MLLT6: variants seen among roughly 807,000 people sequenced by gnomAD.
MLLT6 encodes the protein MLLT6, PHD finger containing, also known as protein AF-17.
In MLLT6, 22 loss-of-function variants were observed where a neutral mutation model predicts 103.0. The observed-to-expected ratio is 0.21, with a 90% confidence interval of 0.15 to 0.31. MLLT6 has a LOEUF of 0.31. Ranked by LOEUF, MLLT6 falls within the 10% of genes least tolerant of loss-of-function variation. The probability of loss-of-function intolerance (pLI) is 1.00; values close to 1 mark genes in which losing one functional copy is unlikely to be tolerated. For synonymous variants in MLLT6, 606 were observed against 623.5 expected (o/e 0.97, Z 0.42); for missense variants, 1,199 against 1,441.7 (o/e 0.83, Z 2.73).
rs998128258 is a variant in MLLT6, at chr17:38,709,086, A to G, written c.355-87A>G. 2 of 947,626 alleles carry G rather than the reference A, an allele frequency of 2.1e-6. No individual in the cohort carries two copies. The highest frequency in any genetic ancestry group is 3.3e-5 in the African/African-American group (2 of 61,140). 58.7% of individuals were successfully genotyped at this position (947,626 alleles called of 1,614,324 possible). A position where few individuals can be genotyped will look rare whatever the true frequency, so the allele number is the denominator to read the frequency against. On this transcript the variant is annotated intron_variant, in intron 4 of 19. Coordinates refer to ENST00000621332, the MANE Select transcript of MLLT6 (RefSeq NM_005937.4). The surrounding 1 kb of genome is among the most constrained non-coding windows in gnomAD (Gnocchi z 4.3). ...ATAGCACTGATCTAAGACTGTAGAG[A>G]GCAAATGGAATGGAGGGGGTGGCCT... is the stretch of plus-strand genomic sequence containing the variant.
At chr17:38,717,088 A>G (rs1905383860) in intron 10 of MLLT6, 107 bp downstream of exon 10, 3 of 1,496,104 alleles carry the variant, frequency 2.0e-6, no homozygotes, top group Non-Finnish European at 1.8e-6. Flanking sequence ...CCACTCCAAA[A>G]GATAGAGCAC....
rs893304099 is a variant in MLLT6 at position 38,717,625 on chromosome 17, C to T, written c.1833+12C>T. On this transcript the variant is annotated intron_variant, in intron 11 of 19. Coordinates refer to ENST00000621332, the MANE Select transcript of MLLT6 (RefSeq NM_005937.4). The stretch of plus-strand genomic sequence containing the variant: ...TCTCCACCACTCAGGTGAGACCTGA[C>T]TCCTGGGCTCCTCCTTCCCTGGGCA... The T allele has an allele frequency of 6.2e-7, 1 of 1,610,880 alleles. No individual in the cohort carries two copies. Among genetic ancestry groups the T allele is most frequent in the Non-Finnish European group, 8.5e-7 (1 of 1,178,180 alleles).
rs750702989 is a variant in MLLT6 at position 38,706,928 on chromosome 17, C to T, written c.110-22C>T. The T allele has an allele frequency of 2.5e-6, 4 of 1,591,734 alleles. No individual in the cohort carries two copies. In the South Asian group the frequency reaches 4.5e-5, roughly 18 times the overall value. ...GCCACTGGCTGACAGCTTTGCTCAGCGACTGTCCTCCCCACCCTCAGCTTG... is the reference window on the plus strand; with the variant it reads ...GCCACTGGCTGACAGCTTTGCTCAGTGACTGTCCTCCCCACCCTCAGCTTG... On this transcript the variant is annotated intron_variant, in intron 1 of 19. Coordinates refer to ENST00000621332, the MANE Select transcript of MLLT6 (RefSeq NM_005937.4).
At chr17:38,721,121 T>C in intron 16 of MLLT6, 1 of 326,838 alleles carries the variant, frequency 3.1e-6, no homozygotes, top group Non-Finnish European at 5.7e-6. Context: ...GAGAAGTATT[T>C]GTGAAGGGTT....
chr17:38,708,345 G>A (rs1905018893), intron 4 of MLLT6: 1 of 157,948 alleles, frequency 6.3e-6, no homozygotes, highest in East Asian at 1.9e-4. Flanking sequence ...AGACCTGGTG[G>A]GGGCTTACTT....
chr17:38,722,788 T>C lies in MLLT6; in HGVS notation c.2883+20T>C. ...ACCCCGGTAATGCCCCTCCCTTCCC[T>C]GCCTCAGGTGCCCCTTGGTCTGCCT... On this transcript the variant is annotated intron_variant, in intron 18 of 19. Transcript: ENST00000621332. The C allele has an allele frequency of 6.4e-7, 1 of 1,556,190 alleles. No homozygotes were observed. The highest frequency in any genetic ancestry group is 2.3e-5 in the East Asian group (1 of 44,340).
chr17:38,712,602 G>A (rs1905181224), intron 7 of MLLT6, 89 bp from the exon 8 acceptor site: 2 of 836,230 alleles, frequency 2.4e-6, no homozygotes, highest in African/African-American at 1.7e-5. Flanking sequence ...CATCCCTAAG[G>A]GGGTGTCAGC....
rs1468192019 is a variant in MLLT6 at position 38,705,397 on chromosome 17, C to A, written c.-236C>A. On this transcript the variant is annotated 5_prime_UTR_variant, in exon 1 of 20. Coordinates refer to ENST00000621332, the MANE Select transcript of MLLT6 (RefSeq NM_005937.4). ...TCTCATTGTTGTGGGGGGGGCCCGT[C>A]GGGGCATGAGGGCGAGAGCACGGCG... is the stretch of plus-strand genomic sequence containing the variant. 6.6e-6 allele frequency: 2 copies of A among 304,326 alleles called. No individual in the cohort carries two copies. The highest frequency in any genetic ancestry group is 1.2e-5 in the Non-Finnish European group (2 of 164,292). 18.9% of individuals were successfully genotyped at this position (304,326 alleles called of 1,614,324 possible). A position where few individuals can be genotyped will look rare whatever the true frequency, so the allele number is the denominator to read the frequency against.
Position 38,716,880 on chromosome 17 carries a change from G to A in MLLT6, c.1550G>A (p.Gly517Asp). The change falls in exon 10 of 20, where the codon GGT becomes GAT. Residue 517 changes from glycine (G) to aspartate (D), a missense_variant. This residue lies in a region of MLLT6 where 1,034 missense variants were observed against 1,091.5 expected (regional missense o/e 0.95). Transcript: ENST00000621332. The surrounding 1 kb of genome is among the most constrained non-coding windows in gnomAD (Gnocchi z 5.6). ...TATAASPFSG[G>D]SLVSSGLGGL... ...ACTGCTGCCTCACCCTTCTCTGGAGGTTCCCTGGTCAGCTCCGGCCTGGGA... is the reference window on the plus strand; with the variant it reads ...ACTGCTGCCTCACCCTTCTCTGGAGATTCCCTGGTCAGCTCCGGCCTGGGA... The A allele has an allele frequency of 4.3e-6, 7 of 1,613,694 alleles. No homozygotes were observed. Among genetic ancestry groups the A allele is most frequent in the Non-Finnish European group, 5.9e-6 (7 of 1,179,810 alleles).
rs1347299732 is a variant in MLLT6, at chr17:38,726,489, GGACCTCCCAGCTCTTA to G, written c.*892_*907del. ...GTCAGATGAAGCAGCGCCAGAGAGG[GGACCTCCCAGCTCTTA>G]TTTGCACCCTCCCCACCTCACCAAC... On this transcript the variant is annotated 3_prime_UTR_variant, in exon 20 of 20. Transcript: ENST00000621332. 2 of 233,668 alleles carry G rather than the reference GGACCTCCCAGCTCTTA, an allele frequency of 8.6e-6. No homozygotes were observed. The highest frequency in any genetic ancestry group is 4.4e-5 in the African/African-American group (2 of 45,324). The allele number at this position is 233,668 out of a possible 1,614,324, so 14.5% of individuals were successfully genotyped here.
chr17:38,720,818 G>C (rs758392394), intron 16 of MLLT6, 71 bp downstream of exon 16: 259 of 1,357,304 alleles, frequency 1.9e-4, no homozygotes, highest in Non-Finnish European at 2.3e-4. Context: ...TCTCTTCCCC[G>C]CAGCTATTGG....
At chr17:38,721,795 G>A (rs1257660790) in intron 16 of MLLT6, 83 bp from the exon 17 acceptor site, 3 of 960,326 alleles carry the variant, frequency 3.1e-6, no homozygotes, top group Non-Finnish European at 4.5e-6. Flanking sequence ...GCTGTGCTCT[G>A]TGAGAATGCT....
chr17:38,722,553 T>A (rs372726488), intron 17 of MLLT6, 125 bp from the exon 18 acceptor site: 9 of 675,166 alleles, frequency 1.3e-5, no homozygotes, highest in East Asian at 8.1e-5. Flanking sequence ...AGATCGCACA[T>A]CCCTGCCTTG....
intron 12 of MLLT6, chr17:38,719,188 G>A (rs1414936575): frequency 1.0e-5 from 4 of 388,430 alleles, no homozygotes; most frequent in African/African-American, 8.3e-5. Flanking sequence ...TTGATGTCAG[G>A]TTTAAGTTCA....
Position 38,717,603 on chromosome 17 carries a change from C to G in MLLT6, c.1823C>G (p.Ser608Cys). Residue 608 changes from serine (S) to cysteine (C), a missense_variant, in exon 11 of 20, where the codon TCC becomes TGC. Transcript: ENST00000621332. ...STLPSSSASI[S>C]TTQVFSLAGS... ...CTCCCCTCCTCTTCTGCTTCTATCTCCACCACTCAGGTGAGACCTGACTCC... is the reference window on the plus strand; with the variant it reads ...CTCCCCTCCTCTTCTGCTTCTATCTGCACCACTCAGGTGAGACCTGACTCC... 1.2e-6 allele frequency: 2 copies of G among 1,613,870 alleles called. No homozygotes were observed. Among genetic ancestry groups the G allele is most frequent in the Non-Finnish European group, 1.7e-6 (2 of 1,179,880 alleles).
chr17:38,716,229 C>CA lies in MLLT6; in HGVS notation c.1037-137dup. The stretch of plus-strand genomic sequence containing the variant: ...GGTCGGGGGTACTCATCCCAGGACA[C>CA]AGACAGTGGCAGAGCTGAGACAGGA... On this transcript the variant is annotated intron_variant, in intron 9 of 19. Transcript: ENST00000621332. The surrounding 1 kb of genome is among the most constrained non-coding windows in gnomAD (Gnocchi z 5.6). The CA allele has an allele frequency of 2.2e-6, 2 of 898,216 alleles. No homozygotes were observed. The highest frequency in any genetic ancestry group is 3.3e-6 in the Non-Finnish European group (2 of 597,450). 55.6% of individuals were successfully genotyped at this position (898,216 alleles called of 1,614,324 possible).
rs142790136 is a variant in MLLT6 at position 38,728,307 on chromosome 17, G to A, written c.*2709G>A. The A allele has an allele frequency of 0.014, 3,187 of 233,310 alleles. 222 individuals carry two copies. In the Admixed American group the frequency reaches 0.14, roughly 10 times the overall value. 14.5% of individuals were successfully genotyped at this position (233,310 alleles called of 1,614,324 possible). Reference sequence around the variant, plus strand: ...GGGGGATGGCTGTAACGATCTCACCGTCTCCTAACCTCAGTCCCTTTTTTG... The same window carrying A: ...GGGGGATGGCTGTAACGATCTCACCATCTCCTAACCTCAGTCCCTTTTTTG... On this transcript the variant is annotated 3_prime_UTR_variant, in exon 20 of 20. Transcript: ENST00000621332.
chr17:38,720,194 T>G, intron 14 of MLLT6, 178 bp from the exon 15 acceptor site: 1 of 713,522 alleles, frequency 1.4e-6, no homozygotes, highest in Non-Finnish European at 2.3e-6. Context: ...CCCCAGGTCT[T>G]CACACCTGTG....
At position 38,715,806 on chromosome 17, in the gene MLLT6, TG is replaced by T; in HGVS notation, c.1020del (p.Phe342SerfsTer107). The T allele has an allele frequency of 6.2e-7, 1 of 1,600,308 alleles. No homozygotes were observed. The highest frequency in any genetic ancestry group is 2.2e-5 in the East Asian group (1 of 44,502). On this transcript the variant is annotated frameshift_variant, in exon 9 of 20. Coordinates refer to ENST00000621332, the MANE Select transcript of MLLT6 (RefSeq NM_005937.4). LOFTEE classifies it high-confidence loss of function. The stretch of plus-strand genomic sequence containing the variant: ...CTTCCTCCTCCTCTTCCTCCTCCTC[TG>T]GGGGGCCCTTCCAGCCTGCAGGTGA... Reference protein sequence around the residue: ...SSSSSSSSSSGGPFQPAVSSL... With the variant: ...SSSSSSSSSSXGPFQPAVSSL...
Sources: gnomAD v4.1 joint callset for allele counts on GRCh38, gnomAD v4.1.1 for gene constraint, gnomAD v4.1.1 regional missense constraint, Gnocchi (gnomAD v3.1) non-coding constraint, MANE v1.5 for transcripts, NCBI Gene and HGNC (gene_info 2026-07-23, HGNC 2026-07-21) for gene names.